TMEM132D: variants seen among roughly 807,000 people sequenced by gnomAD.
The protein encoded by TMEM132D is mature OL transmembrane protein.
Under a neutral mutation model 62.3 loss-of-function variants are expected in TMEM132D, and 21 were observed. That is an observed-to-expected ratio of 0.34 (90% CI 0.24 to 0.49). The LOEUF (loss-of-function observed/expected upper bound fraction) is 0.49, where lower values mean the gene tolerates loss of function less well. TMEM132D is among the 20% of genes least tolerant of loss of function. TMEM132D has a pLI of 0.99. For missense variants in TMEM132D, 1,346 were observed against 1,402.8 expected, an observed-to-expected ratio of 0.96 and a Z score of 0.65; for synonymous variants, 621 against 575.6, an observed-to-expected ratio of 1.08 and a Z score of -1.13.
intron 1 of TMEM132D, among the ~76,000 whole-genome samples, chr12:129,785,664 G>A (rs966943971): frequency 6.6e-6 from 1 of 152,196 alleles, no homozygotes; most frequent in African/African-American, 2.4e-5. Context: ...CCCCAGCCAG[G>A]AACCAACCCT....
At chr12:129,396,098 T>C (rs527785216) in intron 3 of TMEM132D, among the ~76,000 whole-genome samples, 4 of 150,826 alleles carry the variant, frequency 2.7e-5, no homozygotes, top group East Asian at 1.9e-4. Context: ...GATACAGATA[T>C]AGGTATGTCT....
intron 8 of TMEM132D, among the ~76,000 whole-genome samples, chr12:129,076,590 C>T (rs1343374422): frequency 1.3e-5 from 2 of 152,210 alleles, no homozygotes; most frequent in Non-Finnish European, 2.9e-5. Context: ...ACCTGCTAAG[C>T]GGATAACCTT....
At position 129,676,026 on chromosome 12, in the gene TMEM132D, G is replaced by A. The variant is rs902133398; in HGVS notation, c.968+23784C>T. ...AATTAATCAAATCTTTCAGTCAACA[G>A]ACACTTAGTGTGTGCTATGTGCCCA... On this transcript the variant is annotated intron_variant, in intron 2 of 8. Transcript: ENST00000422113. Among the ~76,000 whole-genome samples, 70 of 152,306 alleles carry A rather than the reference G, an allele frequency of 4.6e-4. 1 individual carries two copies. Among genetic ancestry groups the A allele is most frequent in the African/African-American group, 1.6e-3 (68 of 41,558 alleles).
intron 1 of TMEM132D, among the ~76,000 whole-genome samples, chr12:129,877,613 G>GCGCACACACACACACA (rs1555238201): frequency 1.5e-4 from 21 of 144,398 alleles, no homozygotes; most frequent in African/African-American, 5.4e-4. Context: ...GCGCGCGCGC[G>GCGCACACACACACACA]CACACACACA....
intron 2 of TMEM132D, among the ~76,000 whole-genome samples, chr12:129,662,360 T>C (rs1399233347): frequency 3.3e-5 from 5 of 152,210 alleles, no homozygotes; most frequent in Admixed American, 3.3e-4. Context: ...CGCCAAGTTA[T>C]TTACAAGGAG....
intron 2 of TMEM132D, among the ~76,000 whole-genome samples, chr12:129,611,207 T>C (rs187784325): frequency 6.6e-6 from 1 of 152,220 alleles, no homozygotes; most frequent in Non-Finnish European, 1.5e-5. Context: ...GAACATCCTA[T>C]GAGGTAGGTA....
Position 129,903,273 on chromosome 12 carries a change from G to A in TMEM132D, c.67C>T (p.Leu23=). 1 of 1,553,446 alleles carries A rather than the reference G, an allele frequency of 6.4e-7. No individual in the cohort carries two copies. The highest frequency in any genetic ancestry group is 8.7e-7 in the Non-Finnish European group (1 of 1,148,060). The change falls in exon 1 of 9, where the codon CTG becomes TTG. Residue 23 remains leucine, a synonymous_variant. Coordinates refer to ENST00000422113, the MANE Select transcript of TMEM132D (RefSeq NM_133448.3). The surrounding 1 kb of genome is among the most constrained non-coding windows in gnomAD (Gnocchi z 6.2). ...WSPVLISLAA[L]FSKVTEGRGI... ...GCGGCGTCCTCACCTTTGGAAAACAGGGCGGCCAGGCTGATGAGTACCGGC... is the reference window on the plus strand; with the variant it reads ...GCGGCGTCCTCACCTTTGGAAAACAAGGCGGCCAGGCTGATGAGTACCGGC...
At chr12:129,737,437 T>G (rs1310465185) in intron 1 of TMEM132D, among the ~76,000 whole-genome samples, 3 of 152,216 alleles carry the variant, frequency 2.0e-5, no homozygotes, top group Non-Finnish European at 4.4e-5. Context: ...TTCTTCTCTC[T>G]CTTGGGTTAT....
At chr12:129,192,953 G>A (rs1392680004) in intron 5 of TMEM132D, among the ~76,000 whole-genome samples, 3 of 152,100 alleles carry the variant, frequency 2.0e-5, no homozygotes, top group African/African-American at 4.8e-5. Flanking sequence ...GGCGGATCAC[G>A]AGGTCAGGAG....
chr12:129,618,904 A>C (rs1425041051), intron 2 of TMEM132D, among the ~76,000 whole-genome samples: 1 of 152,206 alleles, frequency 6.6e-6, no homozygotes, highest in African/African-American at 2.4e-5. Flanking sequence ...TCGATCTGGA[A>C]GGGCAGGACA....
At chr12:129,358,400 C>T (rs200853318) in intron 3 of TMEM132D, among the ~76,000 whole-genome samples, 2 of 152,112 alleles carry the variant, frequency 1.3e-5, no homozygotes, top group East Asian at 3.9e-4. Flanking sequence ...GGGACTGGCT[C>T]CTGGGCGCTG....
At chr12:129,189,512 G>A (rs775386446) in intron 5 of TMEM132D, among the ~76,000 whole-genome samples, 9 of 152,138 alleles carry the variant, frequency 5.9e-5, no homozygotes, top group Non-Finnish European at 1.3e-4. Context: ...CAGTGTGGCT[G>A]GCTGTGAGGG....
chr12:129,181,870 C>T (rs1878075910), intron 5 of TMEM132D, among the ~76,000 whole-genome samples: 1 of 152,164 alleles, frequency 6.6e-6, no homozygotes, highest in Non-Finnish European at 1.5e-5. Context: ...CCTGGTAAAA[C>T]TTTATTGCAC....
chr12:129,250,596 C>T (rs1204028869), intron 4 of TMEM132D, among the ~76,000 whole-genome samples: 3 of 152,186 alleles, frequency 2.0e-5, no homozygotes, highest in South Asian at 2.1e-4. Flanking sequence ...TGTCCTTCCT[C>T]TTAGATAGAA....
At chr12:129,313,959 T>C (rs1159025875) in intron 4 of TMEM132D, among the ~76,000 whole-genome samples, 2 of 152,226 alleles carry the variant, frequency 1.3e-5, no homozygotes, top group Non-Finnish European at 2.9e-5. Context: ...CCCTGATCAT[T>C]AGTGATGTTG....
chr12:129,585,815 A>ATGTGTGTG (rs34364323), intron 2 of TMEM132D, among the ~76,000 whole-genome samples: 29 of 147,736 alleles, frequency 2.0e-4, no homozygotes, highest in Admixed American at 1.4e-3. Context: ...ATATGCATGC[A>ATGTGTGTG]TGTGTGTGTG....
chr12:129,818,209 AGTGT>A (rs1323426556), intron 1 of TMEM132D, among the ~76,000 whole-genome samples: 2 of 79,378 alleles, frequency 2.5e-5, no homozygotes, highest in Non-Finnish European at 5.2e-5. Context: ...TGTGCCTATG[AGTGT>A]GTATCTGTGT....
intron 2 of TMEM132D, among the ~76,000 whole-genome samples, chr12:129,668,564 T>C (rs1312648497): frequency 6.6e-6 from 1 of 152,112 alleles, no homozygotes; most frequent in Non-Finnish European, 1.5e-5. Context: ...TAAACACTGC[T>C]AAACCTTTTG....
At chr12:129,669,737 TAAACAAAC>T (rs879909254) in intron 2 of TMEM132D, among the ~76,000 whole-genome samples, 1 of 9,896 alleles carries the variant, frequency 1.0e-4, no homozygotes, top group Non-Finnish European at 3.0e-4. Flanking sequence ...AATAAATAAA[TAAACAAAC>T]AAACAAAACT....
Sources: gnomAD v4.1 joint callset for allele counts (sites outside exome capture counted in the v4.1 genomes callset) on GRCh38, gnomAD v4.1.1 for gene constraint, Gnocchi (gnomAD v3.1) non-coding constraint, MANE v1.5 for transcripts, NCBI Gene and HGNC (gene_info 2026-07-23, HGNC 2026-07-21) for gene names.